STAU1: variants seen among roughly 807,000 people sequenced by gnomAD.
STAU1 encodes double-stranded RNA-binding protein Staufen homolog 1.
STAU1 carries 13 observed loss-of-function variants against 62.9 expected under a neutral mutation model. The ratio of observed to expected loss-of-function variants is 0.21; its 90% CI spans 0.13 to 0.33. STAU1 has a LOEUF of 0.33. STAU1 is among the 10% of genes least tolerant of loss of function. The pLI, the probability that STAU1 is intolerant of heterozygous loss-of-function variation, is 1.00. For missense variants in STAU1, 571 were observed against 712.1 expected (o/e 0.80, Z 2.25); for synonymous variants, 269 against 265.1 (o/e 1.01, Z -0.14).
At chr20:49,201,618 T>C in the STAU1 span, among the ~76,000 whole-genome samples, 3 of 151,932 alleles carry the variant, frequency 2.0e-5, no homozygotes, top group Non-Finnish European at 4.4e-5. Context: ...GGCAGGCACC[T>C]GTAATTCCAG....
At chr20:49,130,915 G>A (rs2092734701) in intron 6 of STAU1, among the ~76,000 whole-genome samples, 1 of 151,566 alleles carries the variant, frequency 6.6e-6, no homozygotes, top group South Asian at 2.1e-4. Flanking sequence ...CCCAGCCTGG[G>A]CAACAGAGCG....
At chr20:49,204,614 A>ATGTG in the STAU1 span, among the ~76,000 whole-genome samples, 6 of 55,416 alleles carry the variant, frequency 1.1e-4, no homozygotes, top group African/African-American at 3.1e-4. Context: ...ATATATATAT[A>ATGTG]TATATATATG....
chr20:49,151,118 C>T (rs1311668077), intron 5 of STAU1, among the ~76,000 whole-genome samples: 2 of 152,204 alleles, frequency 1.3e-5, no homozygotes, highest in Admixed American at 6.6e-5. Flanking sequence ...TAAACCATCA[C>T]TAAATTCTAT....
chr20:49,214,841 G>A, the STAU1 span, among the ~76,000 whole-genome samples: 1 of 152,156 alleles, frequency 6.6e-6, no homozygotes, highest in African/African-American at 2.4e-5. Context: ...TGCATCAGTT[G>A]GGGTTAGAAT....
At chr20:49,218,565 CAAA>C in the STAU1 span, among the ~76,000 whole-genome samples, 16 of 109,244 alleles carry the variant, frequency 1.5e-4, no homozygotes, top group African/African-American at 2.5e-4. Flanking sequence ...AACAAACAAA[CAAA>C]AAAAACATGA....
intron 5 of STAU1, among the ~76,000 whole-genome samples, chr20:49,148,949 G>A (rs111305710): frequency 2.0e-5 from 3 of 152,166 alleles, no homozygotes; most frequent in African/African-American, 7.2e-5. Context: ...ATCACTCCAA[G>A]AGCTCATTAA....
chr20:49,182,126 G>A (rs919711085), intron 1 of STAU1, among the ~76,000 whole-genome samples: 2 of 152,124 alleles, frequency 1.3e-5, no homozygotes, highest in Non-Finnish European at 2.9e-5. Context: ...CTTTGAGGGA[G>A]TTCCCTGAGT....
chr20:49,199,335 C>A, the STAU1 span, among the ~76,000 whole-genome samples: 4 of 148,586 alleles, frequency 2.7e-5, no homozygotes, highest in East Asian at 2.1e-4. Context: ...GGTTGAAGTG[C>A]TTCTCCTGCC....
rs34370524 is a variant in STAU1, at chr20:49,137,832, A to ATT, written c.511-1903_511-1902dup. ...AGGCACCCACCACCACACCCGGCTAATTTTTTTTTTTTTTTTTTTGTATCT... is the reference window on the plus strand; with the variant it reads ...AGGCACCCACCACCACACCCGGCTAATTTTTTTTTTTTTTTTTTTTTGTATCT... On this transcript the variant is annotated intron_variant, in intron 5 of 13. Transcript: ENST00000371856. 6.9e-3 allele frequency among the ~76,000 whole-genome samples: 887 copies of ATT among 128,426 alleles called. 12 individuals carry two copies. The highest frequency in any genetic ancestry group is 0.018 in the African/African-American group (633 of 35,048). 84.3% of individuals were successfully genotyped at this position (128,426 alleles called of 152,430 possible). A position where few individuals can be genotyped will look rare whatever the true frequency, so the allele number is the denominator to read the frequency against.
At chr20:49,151,475 T>C (rs574906444) in intron 5 of STAU1, 107 bp downstream of exon 5, 23 of 1,176,340 alleles carry the variant, frequency 2.0e-5, no homozygotes, top group Middle Eastern at 3.0e-4. Context: ...ATAAAAATTA[T>C]GGACAGCTGT....
chr20:49,181,563 G>A (rs1050133517), intron 1 of STAU1, among the ~76,000 whole-genome samples: 2 of 151,826 alleles, frequency 1.3e-5, no homozygotes, highest in Non-Finnish European at 2.9e-5. Context: ...TCAGGAGTTC[G>A]AGACCAGCCT....
chr20:49,195,564 T>TA, the STAU1 span, among the ~76,000 whole-genome samples: 1 of 56,264 alleles, frequency 1.8e-5, no homozygotes, highest in Non-Finnish European at 3.4e-5. Flanking sequence ...AAAAAAAAGA[T>TA]AGCAACAGAC....
chr20:49,139,515 A>T (rs2092961179), intron 5 of STAU1, among the ~76,000 whole-genome samples: 1 of 152,150 alleles, frequency 6.6e-6, no homozygotes, highest in African/African-American at 2.4e-5. Flanking sequence ...ACCTGAGGTC[A>T]GAGGTTCGAG....
In STAU1 at chr20:49,117,302, CT is replaced by C; in HGVS notation, c.1510-55del. The stretch of plus-strand genomic sequence containing the variant: ...GTAGGGAACAGCAAGTATGAGTGGG[CT>C]GGAGGGCTGCAGCTCCAGGCCCCAC... On this transcript the variant is annotated intron_variant, in intron 11 of 13. Transcript: ENST00000371856. The surrounding 1 kb of genome is among the most constrained non-coding windows in gnomAD (Gnocchi z 4.6). 6.3e-7 allele frequency: 1 copy of C among 1,599,676 alleles called. No individual in the cohort carries two copies.
upstream of STAU1, among the ~76,000 whole-genome samples, chr20:49,188,981 A>AC (rs1275623637): frequency 3.3e-5 from 5 of 151,564 alleles, no homozygotes; most frequent in East Asian, 2.0e-4. Flanking sequence ...CGGGCGGATC[A>AC]CTAGGTCAAG....
intron 5 of STAU1, among the ~76,000 whole-genome samples, chr20:49,144,343 CATG>C (rs1309818820): frequency 6.6e-6 from 1 of 151,786 alleles, no homozygotes; most frequent in Admixed American, 6.6e-5. Context: ...AAAAATGTTG[CATG>C]ATGAAGTCCT....
At chr20:49,179,061 ATAGAG>A (rs2093693728) in intron 1 of STAU1, 1 of 146,212 alleles carries the variant, frequency 6.8e-6, no homozygotes, top group African/African-American at 2.6e-5. Flanking sequence ...AGCCTGGGCG[ATAGAG>A]CAAGACTCCA....
chr20:49,182,376 T>G (rs1347022565), intron 1 of STAU1, among the ~76,000 whole-genome samples: 3 of 152,240 alleles, frequency 2.0e-5, no homozygotes. Flanking sequence ...TTCAGAGCAT[T>G]AAGCTGTCAA....
chr20:49,201,071 A>AAGAAGAAGAAG, the STAU1 span, among the ~76,000 whole-genome samples: 110 of 104,508 alleles, frequency 1.1e-3, no homozygotes, highest in South Asian at 5.7e-3. Context: ...AAAAAAAAAA[A>AAGAAGAAGAAG]AAGAAGAAGA....
Sources: allele counts gnomAD v4.1 joint callset (sites outside exome capture counted in the v4.1 genomes callset), GRCh38; gene constraint gnomAD v4.1.1; non-coding constraint Gnocchi (gnomAD v3.1); transcripts MANE v1.5; gene names NCBI Gene and HGNC (gene_info 2026-07-23, HGNC 2026-07-21).